Variants in CACNB2 observed in about 807,000 individuals in gnomAD.
CACNB2 encodes the protein calcium voltage-gated channel auxiliary subunit beta 2.
In CACNB2, 42 loss-of-function variants were observed where a neutral mutation model predicts 73.3. The ratio of observed to expected loss-of-function variants is 0.57; its 90% CI spans 0.45 to 0.74. The LOEUF is 0.74. Among genes scored for constraint, CACNB2 ranks in the 30% least tolerant of loss-of-function variants. CACNB2 has a pLI of 0.00. For missense variants in CACNB2, 940 were observed against 853.0 expected, an observed-to-expected ratio of 1.10 and a Z score of -1.27; for synonymous variants, 348 against 310.3, an observed-to-expected ratio of 1.12 and a Z score of -1.28.
intron 2 of CACNB2, among the ~76,000 whole-genome samples, chr10:18,332,000 C>T (rs1054998243): frequency 2.6e-5 from 4 of 151,986 alleles, no homozygotes; most frequent in Non-Finnish European, 5.9e-5. Flanking sequence ...TGGCTCAGTC[C>T]GAGGACAGCA....
intron 2 of CACNB2, among the ~76,000 whole-genome samples, chr10:18,371,086 G>A (rs1304431969): frequency 6.6e-6 from 1 of 152,072 alleles, no homozygotes; most frequent in African/African-American, 2.4e-5. Flanking sequence ...CCAACAGCCA[G>A]CAATGTTTGA....
At chr10:18,409,781 T>C (rs74117986) in intron 3 of CACNB2, among the ~76,000 whole-genome samples, 2,380 of 152,294 alleles carry the variant, frequency 0.016, 66 homozygotes, top group African/African-American at 0.053. Context: ...CCCAGTCTCC[T>C]GTCTTGCTCT....
At chr10:18,173,727 G>A (rs2033402359) in intron 2 of CACNB2, among the ~76,000 whole-genome samples, 1 of 152,112 alleles carries the variant, frequency 6.6e-6, no homozygotes, top group African/African-American at 2.4e-5. Flanking sequence ...AGTATGATAT[G>A]TTTTCTAAGC....
At chr10:18,470,195 A>G (rs1331495807) in intron 3 of CACNB2, among the ~76,000 whole-genome samples, 8 of 151,558 alleles carry the variant, frequency 5.3e-5, no homozygotes, top group African/African-American at 1.7e-4. Context: ...TTAAAAAGAA[A>G]TGTATTCAGG....
intron 2 of CACNB2, among the ~76,000 whole-genome samples, chr10:18,377,274 T>C (rs1388435060): frequency 2.0e-5 from 3 of 152,212 alleles, no homozygotes; most frequent in African/African-American, 7.2e-5. Flanking sequence ...ATTACGTTTA[T>C]AGAAAGAAGA....
At chr10:18,280,338 A>G (rs1436564227) in intron 2 of CACNB2, among the ~76,000 whole-genome samples, 3 of 152,166 alleles carry the variant, frequency 2.0e-5, no homozygotes, top group African/African-American at 7.2e-5. Context: ...ACCTATGAGC[A>G]CTATAAGAAT....
chr10:18,145,055 TCGCACCTGAAA>T (rs2030821394), intron 1 of CACNB2, among the ~76,000 whole-genome samples: 1 of 152,176 alleles, frequency 6.6e-6, no homozygotes, highest in Non-Finnish European at 1.5e-5. Flanking sequence ...GCACCTCCAG[TCGCACCTGAAA>T]CTGAACAGAC....
chr10:18,335,620 G>C lies in CACNB2; in HGVS notation c.214-66304G>C, dbSNP rs539922033. Among the ~76,000 whole-genome samples the C allele has an allele frequency of 1.4e-3, 210 of 152,160 alleles. 2 individuals carry two copies. The highest frequency in any genetic ancestry group is 4.9e-4 in the Non-Finnish European group (33 of 67,994). The stretch of plus-strand genomic sequence containing the variant: ...ATACATATTAAGTCCATCACTTCCT[G>C]TCTTACATGAACCTCAATTATTCTT... On this transcript the variant is annotated intron_variant, in intron 2 of 13. Coordinates refer to ENST00000324631, the MANE Select transcript of CACNB2 (RefSeq NM_201596.3).
At chr10:18,498,529 C>A (rs760590194) in intron 4 of CACNB2, 52 bp downstream of exon 4, 2 of 1,588,580 alleles carry the variant, frequency 1.3e-6, no homozygotes, top group Non-Finnish European at 1.7e-6. Flanking sequence ...CCTTGACATA[C>A]CATTTCTTAT....
intron 2 of CACNB2, among the ~76,000 whole-genome samples, chr10:18,226,035 T>C (rs976418717): frequency 7.2e-5 from 11 of 151,814 alleles, no homozygotes; most frequent in South Asian, 2.1e-4. Flanking sequence ...CTTTTCTTTT[T>C]TTTTTTCTTG....
chr10:18,303,868 T>C (rs2039625456), intron 2 of CACNB2, among the ~76,000 whole-genome samples: 1 of 152,206 alleles, frequency 6.6e-6, no homozygotes, highest in Non-Finnish European at 1.5e-5. Flanking sequence ...AAGAAAATGA[T>C]GTCTGTGTAA....
chr10:18,380,688 C>G (rs954090397), intron 2 of CACNB2, among the ~76,000 whole-genome samples: 18 of 151,948 alleles, frequency 1.2e-4, no homozygotes. Context: ...CTCCTGAGCT[C>G]AGGTGATCTG....
chr10:18,281,423 C>A (rs564326749), intron 2 of CACNB2, among the ~76,000 whole-genome samples: 9 of 152,266 alleles, frequency 5.9e-5, no homozygotes, highest in African/African-American at 2.2e-4. Context: ...AAGGGGATTG[C>A]CGTCTAATTA....
intron 3 of CACNB2, among the ~76,000 whole-genome samples, chr10:18,456,491 C>T (rs1336644214): frequency 1.3e-5 from 2 of 152,096 alleles, no homozygotes; most frequent in African/African-American, 4.8e-5. Context: ...AACCAGTTCT[C>T]ATGAGAATCC....
intron 2 of CACNB2, among the ~76,000 whole-genome samples, chr10:18,230,069 T>G (rs1009543401): frequency 1.3e-5 from 2 of 152,214 alleles, no homozygotes; most frequent in Non-Finnish European, 2.9e-5. Flanking sequence ...ACTGATTGCA[T>G]TCCATGAATA....
intron 6 of CACNB2, among the ~76,000 whole-genome samples, chr10:18,512,881 C>T (rs935855998): frequency 1.3e-5 from 2 of 152,136 alleles, no homozygotes; most frequent in Non-Finnish European, 2.9e-5. Context: ...TAGCCCAATT[C>T]ATTCAACTTT....
chr10:18,400,050 G>A (rs1176532863), intron 2 of CACNB2, among the ~76,000 whole-genome samples: 3 of 152,222 alleles, frequency 2.0e-5, no homozygotes, highest in East Asian at 3.9e-4. Context: ...ATTTCAAATG[G>A]TAGTTTCTCA....
In CACNB2 at chr10:18,502,785, A is replaced by G. The variant is rs187045896; in HGVS notation, c.593+1837A>G. Among the ~76,000 whole-genome samples the G allele has an allele frequency of 1.9e-3, 289 of 151,680 alleles. 2 individuals are homozygous for G. The Middle Eastern group carries it at 0.079, about 41-fold the overall frequency. ...TGAGAACATACACCAGGAAGGGAAC[A>G]TAAGACACTGGGGACTACTTGAGGG... On this transcript the variant is annotated intron_variant, in intron 5 of 13. Coordinates refer to ENST00000324631, the MANE Select transcript of CACNB2 (RefSeq NM_201596.3).
At chr10:18,248,706 A>G (rs917504622) in intron 2 of CACNB2, among the ~76,000 whole-genome samples, 5 of 152,254 alleles carry the variant, frequency 3.3e-5, no homozygotes, top group Non-Finnish European at 5.9e-5. Context: ...TCTGTCCTGT[A>G]ATTTTATATC....
Sources: gnomAD v4.1 joint callset for allele counts (sites outside exome capture counted in the v4.1 genomes callset) on GRCh38, gnomAD v4.1.1 for gene constraint, MANE v1.5 for transcripts, NCBI Gene and HGNC (gene_info 2026-07-23, HGNC 2026-07-21) for gene names.